Variants in STKLD1 observed in about 807,000 individuals in gnomAD.
STKLD1 encodes the protein serine/threonine kinase-like domain-containing protein STKLD1.
Under a neutral mutation model 80.4 loss-of-function variants are expected in STKLD1, and 79 were observed. That is an observed-to-expected ratio of 0.98 (90% CI 0.82 to 1.19). The LOEUF (loss-of-function observed/expected upper bound fraction) is 1.19, where lower values mean the gene tolerates loss of function less well. STKLD1 is among the 50% of genes most tolerant of loss of function. STKLD1 has a pLI of 0.00. For synonymous variants in STKLD1, 393 were observed against 357.6 expected (o/e 1.10, Z -1.12); for missense variants, 841 against 856.0 (o/e 0.98, Z 0.22).
rs1166432968 is a variant in STKLD1, at chr9:133,384,080, CCCAAACACTCA to C, written c.219+182_219+192del. On this transcript the variant is annotated intron_variant, in intron 3 of 17. Transcript: ENST00000371957. This position sits in a 1 kb window ranked among gnomAD's most constrained non-coding sequence, Gnocchi z 4.3. ...CCCAGGTCATGAAGGGAGTCCATGC[CCCAAACACTCA>C]CTGCTAAATGCAGGTGCCGACAACT... is the stretch of plus-strand genomic sequence containing the variant. The C allele has an allele frequency of 3.3e-6, 2 of 606,884 alleles. No homozygotes were observed. Among genetic ancestry groups the C allele is most frequent in the African/African-American group, 1.8e-5 (1 of 54,154 alleles). 37.6% of individuals were successfully genotyped at this position (606,884 alleles called of 1,614,324 possible). A position where few individuals can be genotyped will look rare whatever the true frequency, so the allele number is the denominator to read the frequency against.
Position 133,389,014 on chromosome 9 carries a change from T to C in STKLD1, c.397-512T>C. ...CCTCTCTGACACCCCAGGGTGGCCC[T>C]GAATCCAGGGGCCCTAGGAGCCCAG... On this transcript the variant is annotated intron_variant, in intron 5 of 17. Transcript: ENST00000371957. This position sits in a 1 kb window ranked among gnomAD's most constrained non-coding sequence, Gnocchi z 6.4. 1.0e-6 allele frequency: 1 copy of C among 985,426 alleles called. No individual in the cohort carries two copies. Among genetic ancestry groups the C allele is most frequent in the Non-Finnish European group, 1.2e-6 (1 of 829,914 alleles). 61.0% of individuals were successfully genotyped at this position (985,426 alleles called of 1,614,324 possible). A position where few individuals can be genotyped will look rare whatever the true frequency, so the allele number is the denominator to read the frequency against.
rs781999417 is a variant in STKLD1 at position 133,403,020 on chromosome 9, G to T, written c.1474+8G>T. 3.2e-6 allele frequency: 5 copies of T among 1,559,810 alleles called. No homozygotes were observed. Among genetic ancestry groups the T allele is most frequent in the Non-Finnish European group, 4.3e-6 (5 of 1,151,976 alleles). ...GGGCCCTCCTGCTGGACGGTGAGGG[G>T]CCCTCCTCCTGCTGTCCCACCGGGG... On this transcript the variant is annotated splice_region_variant and intron_variant, in intron 14 of 17. Coordinates refer to ENST00000371957, the MANE Select transcript of STKLD1 (RefSeq NM_153710.5).
rs1837944853 is a variant in STKLD1, at chr9:133,376,392, G to T, written c.-82G>T. 4 of 1,444,082 alleles carry T rather than the reference G, an allele frequency of 2.8e-6. No individual in the cohort carries two copies. In the Admixed American group the frequency reaches 1.2e-4, roughly 44 times the overall value. The allele number at this position is 1,444,082 out of a possible 1,614,324, so 89.5% of individuals were successfully genotyped here. ...AGTGCCTCGAGGGCGCCGTTCGGGCGGGGAGGATCCCGCGGGTCCCACTGA... is the reference window on the plus strand; with the variant it reads ...AGTGCCTCGAGGGCGCCGTTCGGGCTGGGAGGATCCCGCGGGTCCCACTGA... On this transcript the variant is annotated 5_prime_UTR_variant, in exon 1 of 18. Coordinates refer to ENST00000371957, the MANE Select transcript of STKLD1 (RefSeq NM_153710.5).
intron 7 of STKLD1, among the ~76,000 whole-genome samples, chr9:133,392,984 A>ATGGATGGG (rs1337983191): frequency 5.9e-4 from 75 of 127,200 alleles, no homozygotes; most frequent in African/African-American, 2.1e-3. Context: ...GAGTAGATGG[A>ATGGATGGG]TGGATGGGTG....
chr9:133,392,054 G>C (rs1040343936), intron 7 of STKLD1, among the ~76,000 whole-genome samples: 3 of 150,778 alleles, frequency 2.0e-5, no homozygotes, highest in Non-Finnish European at 4.4e-5. Flanking sequence ...CAGGATGGCA[G>C]TTGCTGGTTG....
Position 133,400,423 on chromosome 9 carries a change from G to T in STKLD1, c.1092G>T (p.Trp364Cys), listed in dbSNP as rs1554777401. The change falls in exon 12 of 18, where the codon TGG (tryptophan) becomes TGT (cysteine). Residue 364 changes from tryptophan (W) to cysteine (C), a missense_variant. Trp to Cys is a radical substitution (Grantham distance 215). Coordinates refer to ENST00000371957, the MANE Select transcript of STKLD1 (RefSeq NM_153710.5). ...CGCCCGCCCTGCCAGGTCTGCCGTGGCCCCCGGAGCTGGTGGAGGTGGTGG... is the reference window on the plus strand; with the variant it reads ...CGCCCGCCCTGCCAGGTCTGCCGTGTCCCCCGGAGCTGGTGGAGGTGGTGG... ...KMPADQLGLP[W>C]PPELVEVVVT... 4 of 1,612,528 alleles carry T rather than the reference G, an allele frequency of 2.5e-6. No homozygotes were observed. Among genetic ancestry groups the T allele is most frequent in the East Asian group, 2.2e-5 (1 of 44,888 alleles).
intron 13 of STKLD1, 111 bp from the exon 14 acceptor site, chr9:133,402,767 C>A: frequency 1.6e-6 from 2 of 1,255,254 alleles, no homozygotes; most frequent in Non-Finnish European, 2.2e-6. Context: ...TGGCCCAGAG[C>A]AGGCACCTAG....
In STKLD1 at chr9:133,385,031, T is replaced by C. The variant is rs2130273558; in HGVS notation, c.220-586T>C. On this transcript the variant is annotated intron_variant, in intron 3 of 17. Transcript: ENST00000371957. The surrounding 1 kb of genome is among the most constrained non-coding windows in gnomAD (Gnocchi z 4.9). ...CGGTAACAAATGGGAAGAAAGAGCA[T>C]GGGGCCTGCCCAGAGCCGCACGCCG... 2.0e-5 allele frequency among the ~76,000 whole-genome samples: 3 copies of C among 152,258 alleles called. No homozygotes were observed. The highest frequency in any genetic ancestry group is 6.5e-5 in the Admixed American group (1 of 15,304).
At chr9:133,399,625 C>A (rs1352427717) in intron 11 of STKLD1, among the ~76,000 whole-genome samples, 3 of 152,218 alleles carry the variant, frequency 2.0e-5, no homozygotes, top group African/African-American at 4.8e-5. Flanking sequence ...CCTGTAATCC[C>A]AGCACTTTGG....
chr9:133,394,762 C>G lies in STKLD1; in HGVS notation c.702+353C>G. On this transcript the variant is annotated intron_variant, in intron 8 of 17. Transcript: ENST00000371957. This position sits in a 1 kb window ranked among gnomAD's most constrained non-coding sequence, Gnocchi z 4.9. Reference sequence around the variant, plus strand: ...CACGGAGTTGCAAGCAACGGGAACCCAGTGTGGGCCTGAACACACCTGGCT... The same window carrying G: ...CACGGAGTTGCAAGCAACGGGAACCGAGTGTGGGCCTGAACACACCTGGCT... 3 of 287,296 alleles carry G rather than the reference C, an allele frequency of 1.0e-5. No homozygotes were observed. Among genetic ancestry groups the G allele is most frequent in the South Asian group, 4.7e-5 (1 of 21,244 alleles). 17.8% of individuals were successfully genotyped at this position (287,296 alleles called of 1,614,324 possible).
At position 133,404,911 on chromosome 9, in the gene STKLD1, G is replaced by C; in HGVS notation, c.1855G>C (p.Val619Leu). 1 of 1,613,304 alleles carries C rather than the reference G, an allele frequency of 6.2e-7. No individual in the cohort carries two copies. Among genetic ancestry groups the C allele is most frequent in the South Asian group, 1.1e-5 (1 of 91,074 alleles). ...GGTGGAGAACGTGGGCATGCTGCTG[G>C]TCCACCTGGCTTCCTATGGTGAGAA... ...EVVENVGMLL[V>L]HLASYEEILP... Residue 619 changes from valine to leucine, a missense_variant, in exon 17 of 18, where the codon GTC becomes CTC. By Grantham distance (32) the Val-to-Leu change is conservative. Transcript: ENST00000371957.
intron 12 of STKLD1, among the ~76,000 whole-genome samples, chr9:133,401,202 A>G (rs892605330): frequency 2.1e-5 from 3 of 144,456 alleles, no homozygotes. Flanking sequence ...GCAGTGGCGC[A>G]CTCTCGGCTC....
In STKLD1 at chr9:133,385,767, A is replaced by T. The variant is rs2130275491; in HGVS notation, c.294+76A>T. The stretch of plus-strand genomic sequence containing the variant: ...GGACCAAGCAGACTGAGCCCAGAGC[A>T]CGCCCACCCCCCACTGTCAGAATAG... On this transcript the variant is annotated intron_variant, in intron 4 of 17. Transcript: ENST00000371957. The surrounding 1 kb of genome is among the most constrained non-coding windows in gnomAD (Gnocchi z 4.9). 1.5e-6 allele frequency: 2 copies of T among 1,356,572 alleles called. No homozygotes were observed. The highest frequency in any genetic ancestry group is 4.6e-5 in the East Asian group (2 of 43,334). The allele number at this position is 1,356,572 out of a possible 1,614,324, so 84.0% of individuals were successfully genotyped here.
intron 16 of STKLD1, among the ~76,000 whole-genome samples, 180 bp downstream of exon 16, chr9:133,404,228 C>T (rs1310251415): frequency 6.6e-6 from 1 of 152,246 alleles, no homozygotes; most frequent in Non-Finnish European, 1.5e-5. Context: ...CTTTCACGCA[C>T]ACTTGATAAA....
At chr9:133,386,076 GC>G (rs1838258740) in intron 4 of STKLD1, among the ~76,000 whole-genome samples, 1 of 152,074 alleles carries the variant, frequency 6.6e-6, no homozygotes, top group African/African-American at 2.4e-5. Flanking sequence ...GTGCCATGAT[GC>G]CCGGCTAATT....
At position 133,384,875 on chromosome 9, in the gene STKLD1, G is replaced by A. The variant is rs2130273335; in HGVS notation, c.220-742G>A. On this transcript the variant is annotated intron_variant, in intron 3 of 17. Transcript: ENST00000371957. This position sits in a 1 kb window ranked among gnomAD's most constrained non-coding sequence, Gnocchi z 4.3. The stretch of plus-strand genomic sequence containing the variant: ...TCTTTGTGTTTCTTGAATTTCCCAC[G>A]AGCTTGAAGGTGTCCCCTCTTATCT... 4 of 152,268 alleles carry A rather than the reference G, an allele frequency of 2.6e-5. No individual in the cohort carries two copies. The highest frequency in any genetic ancestry group is 3.9e-4 in the East Asian group (2 of 5,184). The allele number at this position is 152,268 out of a possible 1,614,324, so 9.4% of individuals were successfully genotyped here.
intron 12 of STKLD1, among the ~76,000 whole-genome samples, chr9:133,401,219 A>G (rs1588755798): frequency 1.3e-5 from 2 of 150,340 alleles, no homozygotes; most frequent in African/African-American, 4.9e-5. Flanking sequence ...GCTCAATGCA[A>G]CCTCCACCTC....
intron 2 of STKLD1, among the ~76,000 whole-genome samples, chr9:133,383,635 GTGA>G (rs1445184481): frequency 4.7e-5 from 4 of 85,752 alleles, no homozygotes; most frequent in East Asian, 6.9e-4. Flanking sequence ...TGGTGGTGGT[GTGA>G]TGATGGTGAT....
chr9:133,379,839 A>G (rs1026356497), intron 2 of STKLD1, among the ~76,000 whole-genome samples: 7 of 152,326 alleles, frequency 4.6e-5, no homozygotes, highest in Middle Eastern at 3.4e-3. Context: ...AGGGCTGGCC[A>G]TACAGCGGGA....
Sources: gnomAD v4.1 joint callset for allele counts (sites outside exome capture counted in the v4.1 genomes callset) on GRCh38, gnomAD v4.1.1 for gene constraint, Gnocchi (gnomAD v3.1) non-coding constraint, MANE v1.5 for transcripts, NCBI Gene and HGNC (gene_info 2026-07-23, HGNC 2026-07-21) for gene names.